MAP3K10: variants seen among roughly 807,000 people sequenced by gnomAD.
The protein encoded by MAP3K10 is mitogen-activated protein kinase kinase kinase 10.
A neutral mutation model predicts 75.0 loss-of-function variants in MAP3K10; 22 were observed. The ratio of observed to expected loss-of-function variants is 0.29; its 90% CI spans 0.21 to 0.42. The LOEUF is 0.42. MAP3K10 is among the 10% of genes least tolerant of loss of function. The pLI is 1.00. For missense variants in MAP3K10, 1,165 were observed against 1,379.8 expected (o/e 0.84, Z 2.47); for synonymous variants, 599 against 612.9 (o/e 0.98, Z 0.34).
chr19:40,199,177 A>T (rs1010255978), intron 2 of MAP3K10, among the ~76,000 whole-genome samples: 1 of 152,220 alleles, frequency 6.6e-6, no homozygotes, highest in Admixed American at 6.5e-5. Context: ...CAGGAAAATG[A>T]TTAATTCACT....
intron 6 of MAP3K10, among the ~76,000 whole-genome samples, chr19:40,210,196 G>A (rs1401074236): frequency 6.6e-6 from 1 of 152,212 alleles, no homozygotes; most frequent in Non-Finnish European, 1.5e-5. Flanking sequence ...GAGCCCGGGA[G>A]GCGGAGCATG....
rs986113003 is a variant in MAP3K10 at position 40,201,167 on chromosome 19, G to GTTTTT, written c.863+2614_863+2618dup. 1.3e-3 allele frequency among the ~76,000 whole-genome samples: 185 copies of GTTTTT among 146,758 alleles called. 2 individuals carry two copies. The highest frequency in any genetic ancestry group is 4.2e-3 in the African/African-American group (168 of 39,676). On this transcript the variant is annotated intron_variant, in intron 2 of 9. Transcript: ENST00000253055. Reference sequence around the variant, plus strand: ...CCAAAATGACTGCTTGAGCTCCAGCGTTTTTTGTTTTTTTTTTTTTTTTGA... The same window carrying GTTTTT: ...CCAAAATGACTGCTTGAGCTCCAGCGTTTTTTTTTTTGTTTTTTTTTTTTTTTTGA...
At position 40,192,597 on chromosome 19, in the gene MAP3K10, G is replaced by A; in HGVS notation, c.566G>A (p.Arg189His). ...GGALSRVLAG[R>H]RVPPHVLVNW... ...GCACTGAGCAGGGTGCTGGCAGGTC[G>A]CCGGGTGCCACCTCACGTGCTGGTC... Residue 189 changes from arginine to histidine, a missense_variant, in exon 1 of 10, where the codon CGC becomes CAC. Physicochemically the swap from Arg to His is conservative, Grantham distance 29 (BLOSUM62 0). This residue lies in a region of MAP3K10 where 575 missense variants were observed against 793.2 expected (regional missense o/e 0.72). Coordinates refer to ENST00000253055, the MANE Select transcript of MAP3K10 (RefSeq NM_002446.4). This position sits in a 1 kb window ranked among gnomAD's most constrained non-coding sequence, Gnocchi z 7.1. 6.2e-7 allele frequency: 1 copy of A among 1,612,546 alleles called. No individual in the cohort carries two copies. The highest frequency in any genetic ancestry group is 8.5e-7 in the Non-Finnish European group (1 of 1,179,552).
rs777590794 is a variant in MAP3K10 at position 40,192,100 on chromosome 19, G to T, written c.69G>T (p.Ala23=). 2.6e-6 allele frequency: 4 copies of T among 1,552,324 alleles called. No individual in the cohort carries two copies. The East Asian group carries it at 7.0e-5, about 27-fold the overall frequency. The change falls in exon 1 of 10, where the codon GCG becomes GCT. Residue 23 remains alanine (A), a synonymous_variant. Coordinates refer to ENST00000253055, the MANE Select transcript of MAP3K10 (RefSeq NM_002446.4). This position sits in a 1 kb window ranked among gnomAD's most constrained non-coding sequence, Gnocchi z 7.1. ...CCCCCGCGGGGCCCGTCTGGACCGC[G>T]GTGTTCGACTACGAGGCGGCGGGCG... is the stretch of plus-strand genomic sequence containing the variant. ...GTTPAGPVWT[A]VFDYEAAGDE... is the part of the protein sequence containing the mutation.
At position 40,191,772 on chromosome 19, in the gene MAP3K10, C is replaced by T. The variant is rs1972816233; in HGVS notation, c.-260C>T. 2.6e-6 allele frequency: 1 copy of T among 382,600 alleles called. No individual in the cohort carries two copies. Among genetic ancestry groups the T allele is most frequent in the Non-Finnish European group, 4.6e-6 (1 of 216,010 alleles). 23.7% of individuals were successfully genotyped at this position (382,600 alleles called of 1,614,324 possible). On this transcript the variant is annotated 5_prime_UTR_variant, in exon 1 of 10. Transcript: ENST00000253055. ...GCGGCCAGGCCCTCTTAGCCCTCTG[C>T]CGTTTGGGGGGCACGGGTGAACCTG...
chr19:40,212,963 GGAGGA>G lies in MAP3K10; in HGVS notation c.1721_1724+1del. ...CTCCACCCTGCAGAAGGAGCGGGTG[GGAGGA>G]GAGGAGAGGTGAGGTGTGGTGTGGT... On this transcript the variant is annotated frameshift_variant, in exon 7 of 10. Coordinates refer to ENST00000253055, the MANE Select transcript of MAP3K10 (RefSeq NM_002446.4). LOFTEE classifies it high-confidence loss of function. This position sits in a 1 kb window ranked among gnomAD's most constrained non-coding sequence, Gnocchi z 4.2. 1 of 1,605,238 alleles carries G rather than the reference GGAGGA, an allele frequency of 6.2e-7. No individual in the cohort carries two copies. Among genetic ancestry groups the G allele is most frequent in the Non-Finnish European group, 8.5e-7 (1 of 1,175,396 alleles).
chr19:40,207,820 T>A (rs917695503), intron 5 of MAP3K10, among the ~76,000 whole-genome samples: 6 of 152,228 alleles, frequency 3.9e-5, no homozygotes, highest in Non-Finnish European at 8.8e-5. Context: ...CCTTCTTTTT[T>A]CACACTAAAT....
At position 40,198,673 on chromosome 19, in the gene MAP3K10, C is replaced by T; in HGVS notation, c.863+118C>T. 1 of 1,114,676 alleles carries T rather than the reference C, an allele frequency of 9.0e-7. No individual in the cohort carries two copies. The highest frequency in any genetic ancestry group is 1.6e-5 in the African/African-American group (1 of 63,658). The allele number at this position is 1,114,676 out of a possible 1,614,324, so 69.0% of individuals were successfully genotyped here. A position where few individuals can be genotyped will look rare whatever the true frequency, so the allele number is the denominator to read the frequency against. ...CAGGATCTCAGTCTGACAAAGGGAC[C>T]TGCTGGCAAGGTCAGGCCACCAGAC... On this transcript the variant is annotated intron_variant, in intron 2 of 9. Coordinates refer to ENST00000253055, the MANE Select transcript of MAP3K10 (RefSeq NM_002446.4). The surrounding 1 kb of genome is among the most constrained non-coding windows in gnomAD (Gnocchi z 4.3).
In MAP3K10 at chr19:40,204,404, C is replaced by T; in HGVS notation, c.864-81C>T. 1 of 1,513,020 alleles carries T rather than the reference C, an allele frequency of 6.6e-7. No individual in the cohort carries two copies. The highest frequency in any genetic ancestry group is 8.9e-7 in the Non-Finnish European group (1 of 1,123,706). The allele number at this position is 1,513,020 out of a possible 1,614,324, so 93.7% of individuals were successfully genotyped here. A position where few individuals can be genotyped will look rare whatever the true frequency, so the allele number is the denominator to read the frequency against. ...GGCTGTTGGGGTGAGGGCAGCCCTG[C>T]ATGGGACCAAGGGCAGGGCTGGGTA... On this transcript the variant is annotated intron_variant, in intron 2 of 9. Transcript: ENST00000253055. This position sits in a 1 kb window ranked among gnomAD's most constrained non-coding sequence, Gnocchi z 4.3.
chr19:40,206,979 A>G (rs2145088058), intron 5 of MAP3K10, among the ~76,000 whole-genome samples: 1 of 152,126 alleles, frequency 6.6e-6, no homozygotes, highest in Middle Eastern at 3.4e-3. Context: ...CACGCCTGTA[A>G]TCTCAGTTAC....
At chr19:40,207,853 A>G (rs1236631949) in intron 5 of MAP3K10, among the ~76,000 whole-genome samples, 1 of 152,164 alleles carries the variant, frequency 6.6e-6, no homozygotes, top group Non-Finnish European at 1.5e-5. Context: ...GATGTATTTT[A>G]TATTTATGGC....
rs1599896805 is a variant in MAP3K10 at position 40,192,948 on chromosome 19, C to A, written c.682+235C>A. Among the ~76,000 whole-genome samples the A allele has an allele frequency of 6.6e-6, 1 of 152,164 alleles. No homozygotes were observed. Among genetic ancestry groups the A allele is most frequent in the African/African-American group, 2.4e-5 (1 of 41,436 alleles). Reference sequence around the variant, plus strand: ...CTCCCAGGCTGCAGAGTCACAATCGCTCAGTAAACATGTATCCATGAACAC... The same window carrying A: ...CTCCCAGGCTGCAGAGTCACAATCGATCAGTAAACATGTATCCATGAACAC... On this transcript the variant is annotated intron_variant, in intron 1 of 9. Transcript: ENST00000253055. This position sits in a 1 kb window ranked among gnomAD's most constrained non-coding sequence, Gnocchi z 7.1.
chr19:40,192,435 C>G lies in MAP3K10; in HGVS notation c.404C>G (p.Pro135Arg), dbSNP rs748441956. 20 of 1,613,900 alleles carry G rather than the reference C, an allele frequency of 1.2e-5. No homozygotes were observed. The highest frequency in any genetic ancestry group is 1.0e-5 in the Non-Finnish European group (12 of 1,179,988). The change falls in exon 1 of 10, where the codon CCG becomes CGG. Residue 135 changes from proline (P) to arginine (R), a missense_variant. By Grantham distance (103) the Pro-to-Arg change is moderately radical (BLOSUM62 -2). This residue lies in a region of MAP3K10 where 575 missense variants were observed against 793.2 expected (regional missense o/e 0.72). Transcript: ENST00000253055. This position sits in a 1 kb window ranked among gnomAD's most constrained non-coding sequence, Gnocchi z 7.1. The stretch of plus-strand genomic sequence containing the variant: ...GCCCGGCTGGACCCTGAGAAGGACC[C>G]GGCAGTGACAGCGGAGCAGGTGTGC... ...KAARLDPEKD[P>R]AVTAEQVCQE...
chr19:40,191,939 G>C lies in MAP3K10; in HGVS notation c.-93G>C. On this transcript the variant is annotated 5_prime_UTR_variant, in exon 1 of 10. Transcript: ENST00000253055. ...TCAGGAGCTCCCTAGACCCCGCAGG[G>C]ACTGCCCTCCATCCCGGCCGCCGGG... 1 of 827,104 alleles carries C rather than the reference G, an allele frequency of 1.2e-6. No homozygotes were observed. Among genetic ancestry groups the C allele is most frequent in the Non-Finnish European group, 1.8e-6 (1 of 566,056 alleles). The allele number at this position is 827,104 out of a possible 1,614,324, so 51.2% of individuals were successfully genotyped here. A position where few individuals can be genotyped will look rare whatever the true frequency, so the allele number is the denominator to read the frequency against.
Position 40,204,648 on chromosome 19 carries a change from C to T in MAP3K10, c.1012+15C>T, listed in dbSNP as rs780912532. The T allele has an allele frequency of 1.3e-5, 21 of 1,608,830 alleles. No individual in the cohort carries two copies. The highest frequency in any genetic ancestry group is 2.7e-5 in the African/African-American group (2 of 74,810). The stretch of plus-strand genomic sequence containing the variant: ...CCTCCTGGAGGGTGAGCCGGGGCCC[C>T]GTGACGAGGGTAGGCTCAGCTTGGA... On this transcript the variant is annotated intron_variant, in intron 3 of 9. Transcript: ENST00000253055. The surrounding 1 kb of genome is among the most constrained non-coding windows in gnomAD (Gnocchi z 4.3).
chr19:40,208,363 T>TTTTTTC (rs1555756667), intron 5 of MAP3K10, among the ~76,000 whole-genome samples: 1 of 111,892 alleles, frequency 8.9e-6, no homozygotes, highest in Non-Finnish European at 1.8e-5. Flanking sequence ...TTTTTTTTTT[T>TTTTTTC]TTTTTTGTAT....
At chr19:40,194,827 C>T (rs8111356) in intron 1 of MAP3K10, among the ~76,000 whole-genome samples, 1,609 of 152,328 alleles carry the variant, frequency 0.011, 27 homozygotes, top group African/African-American at 0.037. Context: ...CTCCCTCCCC[C>T]AGCTATGGAA....
chr19:40,194,902 G>A (rs893236286), intron 1 of MAP3K10, among the ~76,000 whole-genome samples: 1 of 152,194 alleles, frequency 6.6e-6, no homozygotes, highest in Admixed American at 6.5e-5. Flanking sequence ...GAGAGTATCA[G>A]GGGCTCTCAG....
intron 2 of MAP3K10, among the ~76,000 whole-genome samples, chr19:40,202,583 A>G (rs543176336): frequency 2.0e-4 from 30 of 151,730 alleles, no homozygotes; most frequent in African/African-American, 6.6e-4. Context: ...GTGTTTGGGG[A>G]CAGATTTCAT....
Sources: gnomAD v4.1 joint callset for allele counts (sites outside exome capture counted in the v4.1 genomes callset) on GRCh38, gnomAD v4.1.1 for gene constraint, gnomAD v4.1.1 regional missense constraint, Gnocchi (gnomAD v3.1) non-coding constraint, MANE v1.5 for transcripts, NCBI Gene and HGNC (gene_info 2026-07-23, HGNC 2026-07-21) for gene names.